The following ECT2 variants were observed in gnomAD, a reference collection of about 807,000 sequenced individuals.
ECT2 encodes epithelial cell transforming 2, also known as protein ECT2.
ECT2 carries 61 observed loss-of-function variants against 116.9 expected under a neutral mutation model. The ratio of observed to expected loss-of-function variants is 0.52; its 90% CI spans 0.42 to 0.65. The LOEUF (loss-of-function observed/expected upper bound fraction) is 0.65, where lower values mean the gene tolerates loss of function less well. Among genes scored for constraint, ECT2 ranks in the 30% least tolerant of loss-of-function variants. The pLI is 0.00. For missense variants in ECT2, 937 were observed against 1,078.7 expected, an observed-to-expected ratio of 0.87 and a Z score of 1.84; for synonymous variants, 358 against 346.4, an observed-to-expected ratio of 1.03 and a Z score of -0.37.
chr3:172,803,617 G>A (rs758385394), intron 20 of ECT2, among the ~76,000 whole-genome samples: 3 of 151,972 alleles, frequency 2.0e-5, no homozygotes, highest in African/African-American at 7.2e-5. Context: ...AAAGAAGTGC[G>A]GTTTTCCTTC....
At chr3:172,766,744 C>G (rs1166841104) in intron 12 of ECT2, among the ~76,000 whole-genome samples, 8 of 152,298 alleles carry the variant, frequency 5.3e-5, no homozygotes, top group Admixed American at 4.6e-4. Flanking sequence ...TAAGGCAGAA[C>G]TATCCAGTAA....
intron 7 of ECT2, among the ~76,000 whole-genome samples, chr3:172,760,948 C>T (rs1033349906): frequency 2.0e-5 from 3 of 151,702 alleles, no homozygotes; most frequent in South Asian, 2.1e-4. Context: ...CTCAAACTCC[C>T]GACCTCAGGT....
downstream of ECT2, among the ~76,000 whole-genome samples, chr3:172,824,140 T>C (rs151314540): frequency 2.7e-3 from 406 of 152,306 alleles, 2 homozygotes; most frequent in African/African-American, 9.2e-3. Context: ...GAGGCATCTT[T>C]AGATATTGTA....
At chr3:172,795,768 TTAAG>T (rs1479549364) in intron 18 of ECT2, among the ~76,000 whole-genome samples, 1 of 152,148 alleles carries the variant, frequency 6.6e-6, no homozygotes, top group Admixed American at 6.5e-5. Context: ...TTACATTAAA[TTAAG>T]TAATAGAGAG....
intron 14 of ECT2, among the ~76,000 whole-genome samples, chr3:172,777,100 G>A (rs548675754): frequency 6.6e-6 from 1 of 152,222 alleles, no homozygotes; most frequent in Non-Finnish European, 1.5e-5. Flanking sequence ...TCAAACTCCT[G>A]ACCTCAGGTA....
At chr3:172,764,677 C>T (rs1718988101) in intron 12 of ECT2, among the ~76,000 whole-genome samples, 177 bp downstream of exon 12, 1 of 152,200 alleles carries the variant, frequency 6.6e-6, no homozygotes. Flanking sequence ...AATTTAATGA[C>T]TGCTTACTAC....
chr3:172,802,402 C>T (rs984848131), intron 18 of ECT2, among the ~76,000 whole-genome samples: 16 of 152,236 alleles, frequency 1.1e-4, no homozygotes, highest in African/African-American at 2.4e-4. Flanking sequence ...CGCAAGTCAC[C>T]GCACCTGGCC....
intron 5 of ECT2, among the ~76,000 whole-genome samples, chr3:172,758,478 CACACACAG>C (rs1287511536): frequency 1.3e-5 from 2 of 148,430 alleles, no homozygotes; most frequent in South Asian, 2.1e-4. Flanking sequence ...TACACACACA[CACACACAG>C]ACACACACAC....
chr3:172,827,917 A>G, the ECT2 span, among the ~76,000 whole-genome samples: 1 of 152,176 alleles, frequency 6.6e-6, no homozygotes, highest in Non-Finnish European at 1.5e-5. Flanking sequence ...GTTCCTTTTA[A>G]GCATATTATT....
intron 18 of ECT2, among the ~76,000 whole-genome samples, chr3:172,797,956 T>C (rs1576992548): frequency 6.6e-6 from 1 of 152,210 alleles, no homozygotes; most frequent in East Asian, 1.9e-4. Context: ...CCTGTGATCC[T>C]GTTTTGATCA....
intron 7 of ECT2, 150 bp downstream of exon 7, chr3:172,760,413 A>G (rs888051144): frequency 4.1e-6 from 2 of 486,610 alleles, no homozygotes; most frequent in Admixed American, 8.1e-5. Context: ...ATTTTAAATC[A>G]TAAGAGTGGT....
At chr3:172,818,961 A>ATCTAATT in intron 24 of ECT2, 1 of 602,574 alleles carries the variant, frequency 1.7e-6, no homozygotes, top group African/African-American at 2.0e-5. Flanking sequence ...TTTAGGTTTA[A>ATCTAATT]TAGAGTTTCT....
chr3:172,828,899 C>T, the ECT2 span: 1 of 1,428,322 alleles, frequency 7.0e-7, no homozygotes, highest in Non-Finnish European at 9.6e-7. Flanking sequence ...AATGATCAAG[C>T]TGCCAAACAC....
chr3:172,828,204 A>G, the ECT2 span, among the ~76,000 whole-genome samples: 1 of 152,200 alleles, frequency 6.6e-6, no homozygotes, highest in East Asian at 1.9e-4. Context: ...AGACTGTGGA[A>G]CTTTATTTAC....
downstream of ECT2, among the ~76,000 whole-genome samples, chr3:172,822,144 G>A (rs1322787398): frequency 6.6e-6 from 1 of 151,858 alleles, no homozygotes; most frequent in African/African-American, 2.4e-5. Context: ...TCCAAGGTTA[G>A]TTCAATATCG....
chr3:172,774,673 G>GT (rs1231961695), intron 14 of ECT2, among the ~76,000 whole-genome samples: 3 of 151,600 alleles, frequency 2.0e-5, no homozygotes, highest in Non-Finnish European at 4.4e-5. Context: ...TTTTAAAAAA[G>GT]TTTTTTGTAG....
chr3:172,829,209 G>T, the ECT2 span: 4 of 364,658 alleles, frequency 1.1e-5, no homozygotes, highest in African/African-American at 4.3e-5. Flanking sequence ...TGGTCTCGGC[G>T]CCCAGCCAAA....
intron 18 of ECT2, among the ~76,000 whole-genome samples, chr3:172,787,817 T>G (rs1437241198): frequency 3.3e-5 from 5 of 152,064 alleles, no homozygotes; most frequent in Non-Finnish European, 7.4e-5. Context: ...TGTAGAATAC[T>G]CTACAAGTGG....
intron 14 of ECT2, among the ~76,000 whole-genome samples, chr3:172,776,127 C>G (rs1721620642): frequency 2.6e-5 from 4 of 151,102 alleles, no homozygotes. Context: ...TTAGTTTTCT[C>G]AAGTGTAACT....
Sources: allele counts gnomAD v4.1 joint callset (sites outside exome capture counted in the v4.1 genomes callset), GRCh38; gene constraint gnomAD v4.1.1; transcripts MANE v1.5; gene names NCBI Gene and HGNC (gene_info 2026-07-23, HGNC 2026-07-21).